TNFRSF1A: variants seen among roughly 807,000 people sequenced by gnomAD.
The protein encoded by TNFRSF1A is TNF receptor superfamily member 1A.
Under a neutral mutation model 41.6 loss-of-function variants are expected in TNFRSF1A, and 9 were observed. The ratio of observed to expected loss-of-function variants is 0.22; its 90% CI spans 0.13 to 0.38. TNFRSF1A has a LOEUF of 0.38. Ranked by LOEUF, TNFRSF1A falls within the 10% of genes least tolerant of loss-of-function variation. The pLI is 1.00. For missense variants in TNFRSF1A, 463 were observed against 591.5 expected, an observed-to-expected ratio of 0.78 and a Z score of 2.25; for synonymous variants, 254 against 248.6, an observed-to-expected ratio of 1.02 and a Z score of -0.21.
At chr12:6,338,365 C>T (rs189016844) in intron 1 of TNFRSF1A, among the ~76,000 whole-genome samples, 8 of 152,220 alleles carry the variant, frequency 5.3e-5, no homozygotes, top group Admixed American at 6.5e-5. Flanking sequence ...CGGTCCTCTC[C>T]GCATTCCTGG....
In TNFRSF1A at chr12:6,329,514, T is replaced by C. The variant is rs200506454; in HGVS notation, c.1166A>G (p.Glu389Gly). The C allele has an allele frequency of 6.3e-7, 1 of 1,594,714 alleles. No homozygotes were observed. The change falls in exon 10 of 10, where the codon GAG (glutamate) becomes GGG (glycine). Residue 389 changes from glutamate to glycine, a missense_variant. By Grantham distance (98) the Glu-to-Gly change is moderately conservative. This residue lies in a region of TNFRSF1A where 277 missense variants were observed against 288.8 expected (regional missense o/e 0.96). Coordinates refer to ENST00000162749, the MANE Select transcript of TNFRSF1A (RefSeq NM_001065.4). The part of the protein sequence containing the change: ...GLSDHEIDRL[E>G]LQNGRCLREA... ...GCGCAGGCAGCGCCCGTTCTGCAGCTCCAGCCGATCGATCTCGTGGTCGCT... is the reference window on the plus strand; with the variant it reads ...GCGCAGGCAGCGCCCGTTCTGCAGCCCCAGCCGATCGATCTCGTGGTCGCT...
intron 1 of TNFRSF1A, among the ~76,000 whole-genome samples, chr12:6,335,125 G>A (rs570021584): frequency 6.6e-6 from 1 of 152,316 alleles, no homozygotes; most frequent in African/African-American, 2.4e-5. Flanking sequence ...GGAGTGGACA[G>A]AAGAAGGAAG....
Position 6,333,526 on chromosome 12 carries a change from G to A in TNFRSF1A, c.323-10C>T. 1 of 1,614,132 alleles carries A rather than the reference G, an allele frequency of 6.2e-7. No homozygotes were observed. Among genetic ancestry groups the A allele is most frequent in the Non-Finnish European group, 8.5e-7 (1 of 1,180,018 alleles). ...TCCACCTGACCCATTTCTGGTGAGG[G>A]GAGAAGATGGGGTATGAGTCCTGCA... On this transcript the variant is annotated splice_polypyrimidine_tract_variant and intron_variant, in intron 3 of 9. Transcript: ENST00000162749. This position sits in a 1 kb window ranked among gnomAD's most constrained non-coding sequence, Gnocchi z 6.3.
At position 6,330,844 on chromosome 12, in the gene TNFRSF1A, T is replaced by G; in HGVS notation, c.625+9A>C. The G allele has an allele frequency of 6.2e-7, 1 of 1,612,906 alleles. No individual in the cohort carries two copies. On this transcript the variant is annotated intron_variant, in intron 6 of 9. Coordinates refer to ENST00000162749, the MANE Select transcript of TNFRSF1A (RefSeq NM_001065.4). ...AGGTGAGCATGGGCACCAGGTCACTTCTCCTCACCTGAGTCCTCAGTGCCC... is the reference window on the plus strand; with the variant it reads ...AGGTGAGCATGGGCACCAGGTCACTGCTCCTCACCTGAGTCCTCAGTGCCC...
In TNFRSF1A at chr12:6,337,880, T is replaced by G. The variant is rs963146480; in HGVS notation, c.40-3636A>C. ...AGATAAATATGGATCAACTGATCGA[T>G]CTAATGATACATCTGTCTTCCACTC... On this transcript the variant is annotated intron_variant, in intron 1 of 9. Coordinates refer to ENST00000162749, the MANE Select transcript of TNFRSF1A (RefSeq NM_001065.4). The surrounding 1 kb of genome is among the most constrained non-coding windows in gnomAD (Gnocchi z 4.6). 6.6e-6 allele frequency among the ~76,000 whole-genome samples: 1 copy of G among 152,090 alleles called. No individual in the cohort carries two copies. The highest frequency in any genetic ancestry group is 1.5e-5 in the Non-Finnish European group (1 of 68,006).
rs1386216778 is a variant in TNFRSF1A, at chr12:6,329,725, G to C, written c.1057+53C>G. On this transcript the variant is annotated intron_variant, in intron 9 of 9. Transcript: ENST00000162749. ...GGTCCCCTCTGGGAGCGCCTCCCGC[G>C]CTCCCCCGGCCCTCCCCCAGCCTCC... 21 of 1,553,272 alleles carry C rather than the reference G, an allele frequency of 1.4e-5. No homozygotes were observed. The Middle Eastern group carries it at 3.2e-3, about 237-fold the overall frequency.
intron 1 of TNFRSF1A, among the ~76,000 whole-genome samples, chr12:6,340,237 C>T (rs749046704): frequency 5.3e-5 from 8 of 152,198 alleles, no homozygotes; most frequent in Non-Finnish European, 7.3e-5. Context: ...GCCCAGAGCG[C>T]ACACTTAATA....
chr12:6,338,998 TA>T (rs1234755884), intron 1 of TNFRSF1A, among the ~76,000 whole-genome samples: 1 of 152,158 alleles, frequency 6.6e-6, no homozygotes, highest in African/African-American at 2.4e-5. Flanking sequence ...AGCTTCTGAA[TA>T]AACGAATGAA....
Position 6,329,706 on chromosome 12 carries a change from C to G in TNFRSF1A, c.1057+72G>C, listed in dbSNP as rs1311657467. 3 of 1,541,728 alleles carry G rather than the reference C, an allele frequency of 1.9e-6. No homozygotes were observed. In the African/African-American group the frequency reaches 4.1e-5, roughly 21 times the overall value. ...CGCGCCCTCCGCCTCTCGTGGTCCC[C>G]TCTGGGAGCGCCTCCCGCGCTCCCC... On this transcript the variant is annotated intron_variant, in intron 9 of 9. Transcript: ENST00000162749.
At chr12:6,330,491 T>C (rs2136816987) in intron 7 of TNFRSF1A, 107 bp downstream of exon 7, 1 of 1,027,712 alleles carries the variant, frequency 9.7e-7, no homozygotes, top group Non-Finnish European at 1.5e-6. Flanking sequence ...CCCAGCGGTA[T>C]GAACTGAGGG....
intron 1 of TNFRSF1A, among the ~76,000 whole-genome samples, chr12:6,340,459 G>C (rs998969551): frequency 6.6e-6 from 1 of 152,188 alleles, no homozygotes; most frequent in African/African-American, 2.4e-5. Context: ...CAGCTGGCTG[G>C]TGGGGAGACC....
Position 6,341,652 on chromosome 12 carries a change from G to T in TNFRSF1A, c.39+124C>A. 8.8e-7 allele frequency: 1 copy of T among 1,138,214 alleles called. No individual in the cohort carries two copies. Among genetic ancestry groups the T allele is most frequent in the Non-Finnish European group, 1.3e-6 (1 of 773,554 alleles). The allele number at this position is 1,138,214 out of a possible 1,614,324, so 70.5% of individuals were successfully genotyped here. ...CAGTGGCTGAGGTTAGGACCTGCAG[G>T]CCTGAGGCTGGCGCCAGGACCAGGC... is the stretch of plus-strand genomic sequence containing the variant. On this transcript the variant is annotated intron_variant, in intron 1 of 9. Transcript: ENST00000162749. This position sits in a 1 kb window ranked among gnomAD's most constrained non-coding sequence, Gnocchi z 4.6.
intron 1 of TNFRSF1A, among the ~76,000 whole-genome samples, chr12:6,340,546 A>G (rs1275186410): frequency 6.6e-6 from 1 of 152,100 alleles, no homozygotes; most frequent in Non-Finnish European, 1.5e-5. Context: ...AAGAAGAGTG[A>G]GACCCTGACC....
Position 6,334,566 on chromosome 12 carries a change from G to A in TNFRSF1A, c.40-322C>T, listed in dbSNP as rs1948095152. ...GTTGTCCAGGCTGGAGTGCAGTGAT[G>A]CAATCACTGCACCCTCCACCACCCA... On this transcript the variant is annotated intron_variant, in intron 1 of 9. Transcript: ENST00000162749. This position sits in a 1 kb window ranked among gnomAD's most constrained non-coding sequence, Gnocchi z 5.1. 1.3e-5 allele frequency among the ~76,000 whole-genome samples: 2 copies of A among 151,560 alleles called. No individual in the cohort carries two copies. The highest frequency in any genetic ancestry group is 1.5e-5 in the Non-Finnish European group (1 of 67,922).
intron 1 of TNFRSF1A, among the ~76,000 whole-genome samples, chr12:6,338,420 C>G (rs990859620): frequency 1.3e-5 from 2 of 152,108 alleles, no homozygotes; most frequent in African/African-American, 4.8e-5. Context: ...TAGCCTCTCT[C>G]CTGCTCCCAT....
In TNFRSF1A at chr12:6,333,938, C is replaced by A. The variant is rs999484452; in HGVS notation, c.194-73G>T. The A allele has an allele frequency of 6.9e-6, 11 of 1,604,810 alleles. No homozygotes were observed. The highest frequency in any genetic ancestry group is 1.3e-5 in the African/African-American group (1 of 74,710). ...GGAGCCCCATGCTAGGGACAACAGCCAGGGCCGATTCCCTGAAGTCTCTAG... is the reference window on the plus strand; with the variant it reads ...GGAGCCCCATGCTAGGGACAACAGCAAGGGCCGATTCCCTGAAGTCTCTAG... On this transcript the variant is annotated intron_variant, in intron 2 of 9. Coordinates refer to ENST00000162749, the MANE Select transcript of TNFRSF1A (RefSeq NM_001065.4). The surrounding 1 kb of genome is among the most constrained non-coding windows in gnomAD (Gnocchi z 6.3).
Position 6,330,743 on chromosome 12 carries a change from C to A in TNFRSF1A, c.626-32G>T, listed in dbSNP as rs200415260. On this transcript the variant is annotated intron_variant, in intron 6 of 9. Transcript: ENST00000162749. ...ACAAAGCAGGTGTTGGTCAGAGGAG[C>A]GGGCAGAGGGGGGCCGCAGGGATAG... The A allele has an allele frequency of 2.6e-3, 4,189 of 1,592,478 alleles. 15 individuals carry two copies. Among genetic ancestry groups the A allele is most frequent in the Middle Eastern group, 4.5e-3 (27 of 6,020 alleles).
At position 6,330,312 on chromosome 12, in the gene TNFRSF1A, A is replaced by C. The variant is rs747864285; in HGVS notation, c.740-17T>G. ...TCCCACAAACTGAGGAAAAAGAAAGAAAGCATCATAAATTTCACTTCCTCT... is the reference window on the plus strand; with the variant it reads ...TCCCACAAACTGAGGAAAAAGAAAGCAAGCATCATAAATTTCACTTCCTCT... On this transcript the variant is annotated splice_polypyrimidine_tract_variant and intron_variant, in intron 7 of 9. Transcript: ENST00000162749. 1.4e-5 allele frequency: 22 copies of C among 1,611,936 alleles called. No individual in the cohort carries two copies. Among genetic ancestry groups the C allele is most frequent in the East Asian group, 6.7e-5 (3 of 44,864 alleles).
At chr12:6,335,807 G>A (rs537294220) in intron 1 of TNFRSF1A, among the ~76,000 whole-genome samples, 9 of 152,296 alleles carry the variant, frequency 5.9e-5, no homozygotes, top group African/African-American at 1.9e-4. Flanking sequence ...GTCAGCCACG[G>A]GGAGACGCTG....
Sources: allele counts gnomAD v4.1 joint callset (sites outside exome capture counted in the v4.1 genomes callset), GRCh38; gene constraint gnomAD v4.1.1; regional missense constraint gnomAD v4.1.1; non-coding constraint Gnocchi (gnomAD v3.1); transcripts MANE v1.5; gene names NCBI Gene and HGNC (gene_info 2026-07-23, HGNC 2026-07-21).